Variants in TEC observed in about 807,000 individuals in gnomAD.
TEC encodes the protein tec protein tyrosine kinase.
Under a neutral mutation model 93.0 loss-of-function variants are expected in TEC, and 72 were observed. That is an observed-to-expected ratio of 0.77 (90% CI 0.64 to 0.94). TEC has a LOEUF of 0.94. TEC is among the 40% of genes least tolerant of loss of function. TEC has a pLI of 0.00. For synonymous variants in TEC, 249 were observed against 247.7 expected (o/e 1.01, Z -0.05); for missense variants, 630 against 757.9 (o/e 0.83, Z 1.98).
chr4:48,269,824 C>CT lies in TEC; in HGVS notation c.-119dup, dbSNP rs1724748275. On this transcript the variant is annotated 5_prime_UTR_variant, in exon 1 of 18. Coordinates refer to ENST00000381501, the MANE Select transcript of TEC (RefSeq NM_003215.3). ...CAGTCTGCGCCGCGGAGTCCGGAGC[C>CT]TAGCGCCCCAGAGTCCAGAGCAAAG... 6.6e-6 allele frequency: 1 copy of CT among 152,094 alleles called. No individual in the cohort carries two copies. Among genetic ancestry groups the CT allele is most frequent in the Non-Finnish European group, 1.5e-5 (1 of 67,990 alleles). 9.4% of individuals were successfully genotyped at this position (152,094 alleles called of 1,614,324 possible).
chr4:48,202,062 T>C (rs1376267259), intron 2 of TEC, among the ~76,000 whole-genome samples: 1 of 149,748 alleles, frequency 6.7e-6, no homozygotes, highest in Non-Finnish European at 1.5e-5. Context: ...GTTCACGCCA[T>C]TCTCCTGCCT....
chr4:48,263,442 G>A lies in TEC; in HGVS notation c.-46+6310C>T, dbSNP rs575534614. On this transcript the variant is annotated intron_variant, in intron 1 of 17. Coordinates refer to ENST00000381501, the MANE Select transcript of TEC (RefSeq NM_003215.3). ...AAGAAACAGGAACAATAGGCCAGGC[G>A]GTGGCTCACACCTGTAATCTCAGCA... Among the ~76,000 whole-genome samples the A allele has an allele frequency of 6.6e-5, 10 of 152,246 alleles. No homozygotes were observed. In the South Asian group the frequency reaches 8.3e-4, roughly 13 times the overall value.
At chr4:48,247,430 G>A (rs1191032602) in intron 1 of TEC, among the ~76,000 whole-genome samples, 1 of 152,160 alleles carries the variant, frequency 6.6e-6, no homozygotes, top group Non-Finnish European at 1.5e-5. Flanking sequence ...ACAAAAACTT[G>A]TATGTGAATG....
intron 12 of TEC, 138 bp from the exon 13 acceptor site, chr4:48,145,717 G>C: frequency 1.0e-6 from 1 of 956,742 alleles, no homozygotes; most frequent in South Asian, 1.7e-5. Flanking sequence ...GTAAAACACA[G>C]AACAGACTTG....
chr4:48,204,035 T>C (rs1323380114), intron 2 of TEC, among the ~76,000 whole-genome samples: 2 of 152,162 alleles, frequency 1.3e-5, no homozygotes, highest in Non-Finnish European at 2.9e-5. Flanking sequence ...TGCTTTCCTA[T>C]ATTTGCATTT....
chr4:48,207,506 G>T (rs1466337369), intron 2 of TEC, among the ~76,000 whole-genome samples: 1 of 151,690 alleles, frequency 6.6e-6, no homozygotes, highest in East Asian at 1.9e-4. Flanking sequence ...TCCAGGCCAG[G>T]CATGGTGGCT....
At chr4:48,243,256 C>T (rs1723968555) in intron 1 of TEC, among the ~76,000 whole-genome samples, 1 of 152,172 alleles carries the variant, frequency 6.6e-6, no homozygotes, top group African/African-American at 2.4e-5. Flanking sequence ...GGCCAAGAAC[C>T]CTGATTTTAG....
chr4:48,203,558 C>T (rs1329752947), intron 2 of TEC, among the ~76,000 whole-genome samples: 3 of 152,064 alleles, frequency 2.0e-5, no homozygotes, highest in Admixed American at 6.5e-5. Context: ...CCCCATGTGA[C>T]CCAGACACTG....
chr4:48,169,583 C>G (rs1437329131), intron 5 of TEC, among the ~76,000 whole-genome samples: 4 of 152,104 alleles, frequency 2.6e-5, no homozygotes, highest in Non-Finnish European at 5.9e-5. Context: ...TCCAGAAGCT[C>G]TGTCAGTTCT....
At chr4:48,156,602 A>C in intron 9 of TEC, 78 bp downstream of exon 9, 1 of 1,266,328 alleles carries the variant, frequency 7.9e-7, no homozygotes, top group Non-Finnish European at 1.1e-6. Flanking sequence ...TTAGAAAGAG[A>C]GATATGTGGA....
At chr4:48,262,501 T>C (rs1365574561) in intron 1 of TEC, among the ~76,000 whole-genome samples, 1 of 152,002 alleles carries the variant, frequency 6.6e-6, no homozygotes, top group Non-Finnish European at 1.5e-5. Flanking sequence ...TTGGCCCAAA[T>C]ATCATTTTTT....
intron 8 of TEC, among the ~76,000 whole-genome samples, chr4:48,160,184 C>A (rs1327134097): frequency 6.6e-6 from 1 of 152,174 alleles, no homozygotes; most frequent in Non-Finnish European, 1.5e-5. Flanking sequence ...GGGCATACAG[C>A]TGGGAAACAG....
At position 48,137,790 on chromosome 4, in the gene TEC, TG is replaced by T. The variant is rs576007886; in HGVS notation, c.1813-292del. Reference sequence around the variant, plus strand: ...CAAATTTGTAGGAGCCTCTATAATCTGCCACTTCCCGACCCTCTTGTTACCC... The same window carrying T: ...CAAATTTGTAGGAGCCTCTATAATCTCCACTTCCCGACCCTCTTGTTACCC... On this transcript the variant is annotated intron_variant, in intron 17 of 17. Transcript: ENST00000381501. Among the ~76,000 whole-genome samples the T allele has an allele frequency of 4.3e-4, 65 of 152,348 alleles. 3 individuals carry two copies. The East Asian group carries it at 0.012, about 28-fold the overall frequency.
rs1407104767 is a variant in TEC at position 48,186,226 on chromosome 4, G to A, written c.139-10040C>T. 5.9e-5 allele frequency among the ~76,000 whole-genome samples: 9 copies of A among 152,302 alleles called. No homozygotes were observed. In the East Asian group the frequency reaches 1.2e-3, roughly 20 times the overall value. ...TCGTTACAACCTCCACCTCCCAGCC[G>A]CCTGCCTTGGCCTCCCAAAGTGCCG... On this transcript the variant is annotated intron_variant, in intron 2 of 17. Coordinates refer to ENST00000381501, the MANE Select transcript of TEC (RefSeq NM_003215.3).
chr4:48,194,295 A>ACAGAGGC (rs1722209779), intron 2 of TEC, among the ~76,000 whole-genome samples: 1 of 152,250 alleles, frequency 6.6e-6, no homozygotes, highest in Non-Finnish European at 1.5e-5. Context: ...AGTGGAGGGC[A>ACAGAGGC]CAGAGGCATG....
intron 2 of TEC, among the ~76,000 whole-genome samples, chr4:48,176,872 T>C (rs771238897): frequency 5.9e-5 from 9 of 152,186 alleles, no homozygotes; most frequent in Non-Finnish European, 5.9e-5. Context: ...TTCCATTTAC[T>C]CAATCACACA....
intron 1 of TEC, among the ~76,000 whole-genome samples, chr4:48,236,052 A>C (rs1560420871): frequency 6.6e-6 from 1 of 152,116 alleles, no homozygotes; most frequent in Non-Finnish European, 1.5e-5. Context: ...AGTTTAGGAG[A>C]CTGCTAAGTG....
chr4:48,205,887 A>G (rs1722699425), intron 2 of TEC, among the ~76,000 whole-genome samples: 1 of 152,246 alleles, frequency 6.6e-6, no homozygotes, highest in Admixed American at 6.5e-5. Context: ...TTGTACATGA[A>G]TATTCATATC....
At chr4:48,137,735 T>C (rs2071027) in intron 17 of TEC, among the ~76,000 whole-genome samples, 52,208 of 152,058 alleles carry the variant, frequency 0.34, 9,690 homozygotes, top group East Asian at 0.68. Flanking sequence ...CCCTGATAGA[T>C]CTTTTTACTG....
Sources: gnomAD v4.1 joint callset for allele counts (sites outside exome capture counted in the v4.1 genomes callset) on GRCh38, gnomAD v4.1.1 for gene constraint, MANE v1.5 for transcripts, NCBI Gene and HGNC (gene_info 2026-07-23, HGNC 2026-07-21) for gene names.